The following ABHD17B variants were observed in gnomAD, a reference collection of about 807,000 sequenced individuals.
ABHD17B encodes abhydrolase domain containing 17B, depalmitoylase, also known as alpha/beta hydrolase domain-containing protein 17B.
Under a neutral mutation model 26.2 loss-of-function variants are expected in ABHD17B, and 9 were observed. The ratio of observed to expected loss-of-function variants is 0.34; its 90% CI spans 0.21 to 0.60. The LOEUF (loss-of-function observed/expected upper bound fraction) is 0.60, where lower values mean the gene tolerates loss of function less well. Among genes scored for constraint, ABHD17B ranks in the 20% least tolerant of loss-of-function variants. The pLI is 0.80. For missense variants in ABHD17B, 224 were observed against 352.1 expected, an observed-to-expected ratio of 0.64 and a Z score of 2.91; for synonymous variants, 127 against 122.3, an observed-to-expected ratio of 1.04 and a Z score of -0.25.
Position 71,911,103 on chromosome 9 carries a change from C to A in ABHD17B, c.-473G>T, listed in dbSNP as rs1212797192. Among the ~76,000 whole-genome samples the A allele has an allele frequency of 6.6e-6, 1 of 152,164 alleles. No homozygotes were observed. The highest frequency in any genetic ancestry group is 1.5e-5 in the Non-Finnish European group (1 of 68,024). ...CTTTGCTCCTCCTCAGCCTGCCAAG[C>A]GCGAGGCTCGTTCCGGTAGCGGGAG... On this transcript the variant is annotated 5_prime_UTR_variant, in exon 1 of 4. Coordinates refer to ENST00000333421, the MANE Select transcript of ABHD17B (RefSeq NM_001025780.3).
chr9:71,869,272 T>TA (rs1316451804), intron 3 of ABHD17B, among the ~76,000 whole-genome samples: 2 of 152,218 alleles, frequency 1.3e-5, no homozygotes, highest in Non-Finnish European at 2.9e-5. Context: ...CATTACTGGC[T>TA]AATGATGAAA....
chr9:71,900,437 G>C (rs1003656730), intron 1 of ABHD17B, among the ~76,000 whole-genome samples: 1 of 152,084 alleles, frequency 6.6e-6, no homozygotes, highest in African/African-American at 2.4e-5. Context: ...GGCTGAGGCG[G>C]ACAGGAGTTC....
At chr9:71,902,655 A>C (rs367755994) in intron 1 of ABHD17B, 8 of 152,314 alleles carry the variant, frequency 5.3e-5, no homozygotes, top group Admixed American at 2.0e-4. Context: ...ACAAGTTACT[A>C]AATGACATTT....
intron 1 of ABHD17B, among the ~76,000 whole-genome samples, chr9:71,886,103 T>C (rs1327056711): frequency 6.6e-6 from 1 of 152,214 alleles, no homozygotes; most frequent in Non-Finnish European, 1.5e-5. Flanking sequence ...AATTACTCCA[T>C]TTATGGATAA....
At position 71,866,528 on chromosome 9, in the gene ABHD17B, C is replaced by A. The variant is rs1366402897; in HGVS notation, c.*259G>T. Reference sequence around the variant, plus strand: ...ATTTGATTTTATAGAATTAAAATCTCATACAGTACTCATCTTGATGTTAAA... The same window carrying A: ...ATTTGATTTTATAGAATTAAAATCTAATACAGTACTCATCTTGATGTTAAA... On this transcript the variant is annotated 3_prime_UTR_variant, in exon 4 of 4. Transcript: ENST00000333421. 7.5e-6 allele frequency: 9 copies of A among 1,195,134 alleles called. No individual in the cohort carries two copies. The highest frequency in any genetic ancestry group is 9.4e-6 in the Non-Finnish European group (9 of 961,306). 74.0% of individuals were successfully genotyped at this position (1,195,134 alleles called of 1,614,324 possible).
intron 1 of ABHD17B, among the ~76,000 whole-genome samples, chr9:71,889,957 C>A (rs1327952418): frequency 6.6e-6 from 1 of 151,972 alleles, no homozygotes; most frequent in Non-Finnish European, 1.5e-5. Flanking sequence ...CACAGTGTAG[C>A]CTCATTATAA....
At chr9:71,900,975 C>CCGTCT (rs1827120168) in intron 1 of ABHD17B, among the ~76,000 whole-genome samples, 1 of 151,978 alleles carries the variant, frequency 6.6e-6, no homozygotes, top group Non-Finnish European at 1.5e-5. Flanking sequence ...CTGTGAAACC[C>CCGTCT]CGTCTCTCCT....
chr9:71,901,367 A>G (rs1196069369), intron 1 of ABHD17B, among the ~76,000 whole-genome samples: 3 of 152,088 alleles, frequency 2.0e-5, no homozygotes, highest in Admixed American at 2.0e-4. Flanking sequence ...ACAACCTCTT[A>G]ACAATTTCGA....
At position 71,865,623 on chromosome 9, in the gene ABHD17B, TG is replaced by T; in HGVS notation, c.*1163del. 1.0e-6 allele frequency: 1 copy of T among 957,520 alleles called. No individual in the cohort carries two copies. The highest frequency in any genetic ancestry group is 1.2e-6 in the Non-Finnish European group (1 of 804,726). 59.3% of individuals were successfully genotyped at this position (957,520 alleles called of 1,614,324 possible). ...GCTCATGCCTGTAATTCCGACACTTTGGGAGGCCAAGGGCAGATCATGAGGT... is the reference window on the plus strand; with the variant it reads ...GCTCATGCCTGTAATTCCGACACTTTGGAGGCCAAGGGCAGATCATGAGGT... On this transcript the variant is annotated 3_prime_UTR_variant, in exon 4 of 4. Coordinates refer to ENST00000333421, the MANE Select transcript of ABHD17B (RefSeq NM_001025780.3).
chr9:71,864,628 T>G (rs578066425), downstream of ABHD17B, among the ~76,000 whole-genome samples: 1 of 152,254 alleles, frequency 6.6e-6, no homozygotes, highest in East Asian at 1.9e-4. Context: ...CAATTCTTAG[T>G]TATCCTTCAA....
At chr9:71,907,754 G>C (rs1373255630) in intron 1 of ABHD17B, among the ~76,000 whole-genome samples, 6 of 152,060 alleles carry the variant, frequency 3.9e-5, no homozygotes, top group Non-Finnish European at 8.8e-5. Context: ...CAGGTGATCC[G>C]CCTGCCTCGG....
chr9:71,904,149 C>T (rs1250023582), intron 1 of ABHD17B, among the ~76,000 whole-genome samples: 1 of 152,220 alleles, frequency 6.6e-6, no homozygotes, highest in Non-Finnish European at 1.5e-5. Context: ...TTACCCCTCT[C>T]TATGTTTTCT....
intron 1 of ABHD17B, among the ~76,000 whole-genome samples, chr9:71,899,410 T>C (rs1827065722): frequency 6.6e-6 from 1 of 152,206 alleles, no homozygotes; most frequent in African/African-American, 2.4e-5. Flanking sequence ...GTATCTTTGG[T>C]GTAAATACTT....
intron 1 of ABHD17B, among the ~76,000 whole-genome samples, chr9:71,881,060 C>T (rs1265482980): frequency 6.6e-6 from 1 of 152,102 alleles, no homozygotes; most frequent in Non-Finnish European, 1.5e-5. Context: ...AAAAGAAAAC[C>T]TAAGTTGGAG....
At chr9:71,865,043 T>C (rs1432735950), downstream of ABHD17B, 7 of 504,234 alleles carry the variant, frequency 1.4e-5, no homozygotes, top group East Asian at 7.5e-4. Context: ...AAAGTGATGA[T>C]ATAATTTTAA....
intron 1 of ABHD17B, among the ~76,000 whole-genome samples, chr9:71,880,626 G>A (rs913963368): frequency 6.6e-6 from 1 of 151,950 alleles, no homozygotes; most frequent in East Asian, 1.9e-4. Context: ...CATGAACTTA[G>A]GTAAAGTTGG....
intron 1 of ABHD17B, among the ~76,000 whole-genome samples, chr9:71,875,287 G>A (rs912928075): frequency 5.3e-5 from 8 of 150,812 alleles, no homozygotes; most frequent in Non-Finnish European, 1.2e-4. Flanking sequence ...GTGCAATGGC[G>A]CAATCTCAGC....
intron 1 of ABHD17B, among the ~76,000 whole-genome samples, chr9:71,899,921 T>C (rs1827082753): frequency 1.3e-5 from 2 of 152,056 alleles, no homozygotes; most frequent in South Asian, 4.1e-4. Context: ...TAAAAGCCTC[T>C]AAATGACATT....
At chr9:71,905,462 C>T (rs966235243) in intron 1 of ABHD17B, among the ~76,000 whole-genome samples, 1 of 152,272 alleles carries the variant, frequency 6.6e-6, no homozygotes, top group Admixed American at 6.5e-5. Flanking sequence ...TAAAATATTA[C>T]TACTAATATT....
Sources: allele counts gnomAD v4.1 joint callset (sites outside exome capture counted in the v4.1 genomes callset), GRCh38; gene constraint gnomAD v4.1.1; transcripts MANE v1.5; gene names NCBI Gene and HGNC (gene_info 2026-07-23, HGNC 2026-07-21).